RBFOX1: variants seen among roughly 807,000 people sequenced by gnomAD.
RBFOX1 encodes the protein RNA binding fox-1 homolog 1.
In RBFOX1, 8 loss-of-function variants were observed where a neutral mutation model predicts 57.7. The observed-to-expected ratio is 0.14, with a 90% CI of 0.08 to 0.25. RBFOX1 has a LOEUF of 0.25. Among genes scored for constraint, RBFOX1 ranks in the 10% least tolerant of loss-of-function variants. The probability of loss-of-function intolerance (pLI) is 1.00; values close to 1 mark genes in which losing one functional copy is unlikely to be tolerated. For synonymous variants in RBFOX1, 326 were observed against 222.4 expected (o/e 1.47, Z -4.15); for missense variants, 611 against 548.5 (o/e 1.11, Z -1.14).
intron 3 of RBFOX1, among the ~76,000 whole-genome samples, chr16:6,985,239 C>T (rs2089985088): frequency 6.7e-6 from 1 of 149,194 alleles, no homozygotes; most frequent in Admixed American, 6.7e-5. Flanking sequence ...CTTGTCTTTT[C>T]TGGGCTACAT....
intron 3 of RBFOX1, among the ~76,000 whole-genome samples, chr16:5,820,774 G>T (rs1298704275): frequency 2.0e-5 from 3 of 152,120 alleles, no homozygotes; most frequent in Non-Finnish European, 4.4e-5. Context: ...CCTCACAGGG[G>T]TTTAAGACGA....
chr16:7,686,777 G>A (rs1275064591), intron 14 of RBFOX1, among the ~76,000 whole-genome samples: 1 of 152,070 alleles, frequency 6.6e-6, no homozygotes, highest in Non-Finnish European at 1.5e-5. Context: ...TCAGATTCAC[G>A]GTTGGTTCTC....
intron 4 of RBFOX1, among the ~76,000 whole-genome samples, chr16:7,430,762 C>T (rs2098671617): frequency 6.6e-6 from 1 of 152,082 alleles, no homozygotes; most frequent in Non-Finnish European, 1.5e-5. Context: ...CCAGGGTCCA[C>T]ACAGGAAGCC....
chr16:7,029,257 C>CGT (rs2042150020), intron 3 of RBFOX1, among the ~76,000 whole-genome samples: 1 of 21,942 alleles, frequency 4.6e-5, no homozygotes, highest in Non-Finnish European at 9.8e-5. Flanking sequence ...TATATACACA[C>CGT]ATATATATAC....
At chr16:7,595,725 C>A in intron 8 of RBFOX1, 84 bp downstream of exon 8, 2 of 1,081,558 alleles carry the variant, frequency 1.8e-6, no homozygotes, top group Non-Finnish European at 2.6e-6. Context: ...GCATCATTGG[C>A]GTCTTGTATG....
intron 14 of RBFOX1, among the ~76,000 whole-genome samples, chr16:7,691,851 C>T (rs565089461): frequency 6.6e-5 from 10 of 152,170 alleles, no homozygotes; most frequent in Non-Finnish European, 1.2e-4. Flanking sequence ...GTGCAAAGAC[C>T]TTGCCGCTTT....
chr16:5,897,860 G>A (rs2058205878), intron 4 of RBFOX1, among the ~76,000 whole-genome samples: 2 of 144,488 alleles, frequency 1.4e-5, no homozygotes, highest in Admixed American at 7.0e-5. Flanking sequence ...GAGCAGACTA[G>A]TTTCACTCTG....
At chr16:6,674,745 T>A (rs2098790047) in intron 3 of RBFOX1, among the ~76,000 whole-genome samples, 1 of 152,062 alleles carries the variant, frequency 6.6e-6, no homozygotes, top group African/African-American at 2.4e-5. Flanking sequence ...GCACGAGGGG[T>A]GCTGGCCACC....
chr16:5,342,802 T>C (rs1020894734), intron 1 of RBFOX1, among the ~76,000 whole-genome samples: 1 of 152,208 alleles, frequency 6.6e-6, no homozygotes, highest in Admixed American at 6.5e-5. Flanking sequence ...CAAAACCATC[T>C]GCTTACCTAG....
chr16:6,940,472 A>T (rs75758643), intron 3 of RBFOX1, among the ~76,000 whole-genome samples: 1 of 152,230 alleles, frequency 6.6e-6, no homozygotes, highest in Non-Finnish European at 1.5e-5. Flanking sequence ...AGTGATGACA[A>T]TGATAATTTA....
chr16:5,770,941 G>A (rs2053957431), intron 3 of RBFOX1, among the ~76,000 whole-genome samples: 1 of 152,120 alleles, frequency 6.6e-6, no homozygotes, highest in Non-Finnish European at 1.5e-5. Flanking sequence ...ATTCCATCCT[G>A]GCAGGTGAAC....
At chr16:5,701,077 C>G (rs921157629) in intron 3 of RBFOX1, among the ~76,000 whole-genome samples, 2 of 151,828 alleles carry the variant, frequency 1.3e-5, no homozygotes, top group Non-Finnish European at 2.9e-5. Flanking sequence ...CCTCTCATCC[C>G]CATTTCTTCT....
chr16:7,319,274 G>A (rs1192893839), intron 4 of RBFOX1, among the ~76,000 whole-genome samples: 1 of 152,120 alleles, frequency 6.6e-6, no homozygotes, highest in Non-Finnish European at 1.5e-5. Flanking sequence ...AATATTGTTG[G>A]GGGAGATGTA....
intron 4 of RBFOX1, among the ~76,000 whole-genome samples, chr16:7,467,182 TA>T (rs1276146634): frequency 1.3e-5 from 2 of 152,200 alleles, no homozygotes; most frequent in African/African-American, 4.8e-5. Context: ...TTTGCATCCC[TA>T]TGTGCTAATA....
Position 6,019,912 on chromosome 16 carries a change from C to T in RBFOX1, c.-207C>T. 1 of 1,535,046 alleles carries T rather than the reference C, an allele frequency of 6.5e-7. No individual in the cohort carries two copies. Among genetic ancestry groups the T allele is most frequent in the Non-Finnish European group, 8.7e-7 (1 of 1,146,538 alleles). Reference sequence around the variant, plus strand: ...CGCCTCCAGCTTATGGTGAGTGTGGCTGGGGGTGCAGAGAGCGCACGGGAA... The same window carrying T: ...CGCCTCCAGCTTATGGTGAGTGTGGTTGGGGGTGCAGAGAGCGCACGGGAA... On this transcript the variant is annotated 5_prime_UTR_variant, in exon 1 of 16. Coordinates refer to ENST00000550418, the MANE Select transcript of RBFOX1 (RefSeq NM_018723.4). The surrounding 1 kb of genome is among the most constrained non-coding windows in gnomAD (Gnocchi z 4.2).
intron 2 of RBFOX1, among the ~76,000 whole-genome samples, chr16:5,520,928 A>G (rs1237886324): frequency 1.3e-5 from 2 of 152,130 alleles, no homozygotes; most frequent in African/African-American, 2.4e-5. Flanking sequence ...CCTGGAGTGA[A>G]GTTACACGAG....
At chr16:6,581,107 C>G (rs763833575) in intron 2 of RBFOX1, among the ~76,000 whole-genome samples, 29 of 152,024 alleles carry the variant, frequency 1.9e-4, no homozygotes, top group Non-Finnish European at 2.9e-4. Context: ...TGAGTTATCC[C>G]CATATACTCT....
intron 14 of RBFOX1, among the ~76,000 whole-genome samples, chr16:7,701,236 GACTTTGCTGC>G (rs1411144332): frequency 6.9e-6 from 1 of 145,364 alleles, no homozygotes; most frequent in Non-Finnish European, 1.5e-5. Flanking sequence ...CATTTTTGGA[GACTTTGCTGC>G]ATTTTTAGTC....
At chr16:7,119,487 C>T (rs778167570) in intron 4 of RBFOX1, among the ~76,000 whole-genome samples, 2 of 151,960 alleles carry the variant, frequency 1.3e-5, no homozygotes, top group Admixed American at 6.6e-5. Context: ...GGGGGGAGTT[C>T]CATTTCGAGT....
Sources: gnomAD v4.1 joint callset for allele counts (sites outside exome capture counted in the v4.1 genomes callset) on GRCh38, gnomAD v4.1.1 for gene constraint, Gnocchi (gnomAD v3.1) non-coding constraint, MANE v1.5 for transcripts, NCBI Gene and HGNC (gene_info 2026-07-23, HGNC 2026-07-21) for gene names.